CHRM3: variants seen among roughly 807,000 people sequenced by gnomAD.
CHRM3 encodes muscarinic acetylcholine receptor M3.
Under a neutral mutation model 41.8 loss-of-function variants are expected in CHRM3, and 11 were observed. That is an observed-to-expected ratio of 0.26 (90% CI 0.17 to 0.44). CHRM3 has a LOEUF of 0.44. Ranked by LOEUF, CHRM3 falls within the 20% of genes least tolerant of loss-of-function variation. The pLI, the probability that CHRM3 is intolerant of heterozygous loss-of-function variation, is 1.00. For synonymous variants in CHRM3, 297 were observed against 301.4 expected, an observed-to-expected ratio of 0.99 and a Z score of 0.15; for missense variants, 571 against 745.4, an observed-to-expected ratio of 0.77 and a Z score of 2.72.
intron 5 of CHRM3, among the ~76,000 whole-genome samples, chr1:239,701,758 C>T (rs964028903): frequency 6.6e-6 from 1 of 152,162 alleles, no homozygotes; most frequent in Non-Finnish European, 1.5e-5. Context: ...CCTAACCCAC[C>T]CATTGTTCTA....
At chr1:239,896,888 C>T (rs1679050417) in intron 6 of CHRM3, among the ~76,000 whole-genome samples, 1 of 152,208 alleles carries the variant, frequency 6.6e-6, no homozygotes, top group Non-Finnish European at 1.5e-5. Context: ...CAAATGTTAG[C>T]TCTTGTTAGG....
intron 3 of CHRM3, among the ~76,000 whole-genome samples, chr1:239,621,566 C>T (rs943913203): frequency 6.6e-6 from 1 of 152,142 alleles, no homozygotes. Flanking sequence ...GAAGGCAAAA[C>T]AGCCTTATTG....
chr1:239,906,523 G>A (rs1317962965), intron 6 of CHRM3, among the ~76,000 whole-genome samples: 1 of 152,074 alleles, frequency 6.6e-6, no homozygotes, highest in Non-Finnish European at 1.5e-5. Flanking sequence ...TCACAACCGA[G>A]GCCAACAGTG....
intron 5 of CHRM3, among the ~76,000 whole-genome samples, chr1:239,699,275 A>C (rs1660472408): frequency 1.3e-5 from 2 of 151,848 alleles, no homozygotes; most frequent in Non-Finnish European, 2.9e-5. Flanking sequence ...TCCCAGTGTG[A>C]TGGTATTTGG....
At chr1:239,664,340 G>T (rs578050732) in intron 4 of CHRM3, among the ~76,000 whole-genome samples, 1 of 152,140 alleles carries the variant, frequency 6.6e-6, no homozygotes, top group African/African-American at 2.4e-5. Context: ...AGTGTCAAAG[G>T]CATTGTTAAA....
chr1:239,672,900 A>G (rs1038559589), intron 4 of CHRM3, among the ~76,000 whole-genome samples: 6 of 152,100 alleles, frequency 3.9e-5, no homozygotes, highest in African/African-American at 1.4e-4. Context: ...TCTAAAAGAC[A>G]CGAGATTTTT....
chr1:239,552,467 T>G (rs1476074855), intron 3 of CHRM3, among the ~76,000 whole-genome samples: 2 of 147,520 alleles, frequency 1.4e-5, no homozygotes, highest in Non-Finnish European at 3.0e-5. Context: ...TTTATATATG[T>G]ATAGATGATA....
intron 2 of CHRM3, among the ~76,000 whole-genome samples, chr1:239,539,468 T>G (rs945984611): frequency 6.6e-6 from 1 of 152,100 alleles, no homozygotes; most frequent in East Asian, 1.9e-4. Context: ...CTTACCCTTT[T>G]GCAGCAATTA....
chr1:239,811,064 A>C (rs1671077320), intron 5 of CHRM3, among the ~76,000 whole-genome samples: 1 of 152,208 alleles, frequency 6.6e-6, no homozygotes, highest in South Asian at 2.1e-4. Context: ...CCTTCCTTTT[A>C]AAGTGTTTTT....
intron 5 of CHRM3, among the ~76,000 whole-genome samples, chr1:239,772,892 G>A (rs770249527): frequency 3.3e-5 from 5 of 152,004 alleles, no homozygotes; most frequent in Admixed American, 6.6e-5. Flanking sequence ...TAATGCATAC[G>A]TGTTTCTATT....
intron 3 of CHRM3, among the ~76,000 whole-genome samples, chr1:239,586,814 G>A (rs1014287967): frequency 6.6e-6 from 1 of 152,128 alleles, no homozygotes; most frequent in Non-Finnish European, 1.5e-5. Context: ...TTCTAGGATT[G>A]ATACTAAAAG....
At chr1:239,568,839 C>T (rs2148525059) in intron 3 of CHRM3, among the ~76,000 whole-genome samples, 1 of 152,294 alleles carries the variant, frequency 6.6e-6, no homozygotes, top group African/African-American at 2.4e-5. Flanking sequence ...AAGGTCTCTA[C>T]TCACTGAGAG....
At chr1:239,389,900 G>A (rs1250791577) in intron 1 of CHRM3, among the ~76,000 whole-genome samples, 5 of 152,182 alleles carry the variant, frequency 3.3e-5, no homozygotes, top group Non-Finnish European at 5.9e-5. Flanking sequence ...ACTGGGAACA[G>A]CTGTGGTGTA....
chr1:239,553,079 C>T (rs993296970), intron 3 of CHRM3, among the ~76,000 whole-genome samples: 2 of 151,952 alleles, frequency 1.3e-5, no homozygotes, highest in Admixed American at 1.3e-4. Flanking sequence ...CATTTACAAA[C>T]GAGGAGACGT....
chr1:239,887,582 C>T (rs550032479), intron 6 of CHRM3, among the ~76,000 whole-genome samples: 1 of 152,306 alleles, frequency 6.6e-6, no homozygotes, highest in South Asian at 2.1e-4. Flanking sequence ...GAATAAGTTA[C>T]ACCTGGGCAA....
chr1:239,804,320 A>G (rs1361801291), intron 5 of CHRM3, among the ~76,000 whole-genome samples: 1 of 145,704 alleles, frequency 6.9e-6, no homozygotes, highest in East Asian at 2.1e-4. Context: ...ATCCCATTGT[A>G]TCCTCAAAGG....
chr1:239,685,154 T>C (rs1177197801), intron 5 of CHRM3, among the ~76,000 whole-genome samples: 1 of 152,168 alleles, frequency 6.6e-6, no homozygotes, highest in African/African-American at 2.4e-5. Context: ...GGCTTTGTCT[T>C]ACTCTGCAAC....
At position 239,417,579 on chromosome 1, in the gene CHRM3, GTT is replaced by G. The variant is rs34926014; in HGVS notation, c.-521+30368_-521+30369del. The stretch of plus-strand genomic sequence containing the variant: ...TTGAGAAAATAGGTAAGATTAATTT[GTT>G]TTTTTTTTTTTTTTTGCTTTTTCTC... On this transcript the variant is annotated intron_variant, in intron 1 of 6. Transcript: ENST00000676153. 2.1e-3 allele frequency among the ~76,000 whole-genome samples: 255 copies of G among 122,676 alleles called. 2 individuals carry two copies. Among genetic ancestry groups the G allele is most frequent in the East Asian group, 7.9e-3 (32 of 4,050 alleles). The allele number at this position is 122,676 out of a possible 152,430, so 80.5% of individuals were successfully genotyped here. A position where few individuals can be genotyped will look rare whatever the true frequency, so the allele number is the denominator to read the frequency against.
Position 239,909,473 on chromosome 1 carries a change from T to C in CHRM3, c.*249T>C, listed in dbSNP as rs992769469. ...AAGAAATTTATTCTGAAATAGACTT[T>C]ACGTGTTTTTTTCTTAAAGAGGAGA... On this transcript the variant is annotated 3_prime_UTR_variant, in exon 7 of 7. Transcript: ENST00000676153. The C allele has an allele frequency of 2.5e-6, 1 of 397,254 alleles. No individual in the cohort carries two copies. The highest frequency in any genetic ancestry group is 4.1e-5 in the Admixed American group (1 of 24,216). The allele number at this position is 397,254 out of a possible 1,614,324, so 24.6% of individuals were successfully genotyped here.
Sources: allele counts gnomAD v4.1 joint callset (sites outside exome capture counted in the v4.1 genomes callset), GRCh38; gene constraint gnomAD v4.1.1; transcripts MANE v1.5; gene names NCBI Gene and HGNC (gene_info 2026-07-23, HGNC 2026-07-21).